The following RIF1 variants were observed in gnomAD, a reference collection of about 807,000 sequenced individuals.
The protein encoded by RIF1 is telomere-associated protein RIF1.
Under a neutral mutation model 247.1 loss-of-function variants are expected in RIF1, and 45 were observed. The observed-to-expected ratio is 0.18, with a 90% confidence interval of 0.14 to 0.23. The LOEUF is 0.23. Among genes scored for constraint, RIF1 ranks in the 10% least tolerant of loss-of-function variants. The pLI, the probability that RIF1 is intolerant of heterozygous loss-of-function variation, is 1.00. For missense variants in RIF1, 2,967 were observed against 2,862.5 expected (o/e 1.04, Z -0.83); for synonymous variants, 1,087 against 978.8 (o/e 1.11, Z -2.06).
intron 11 of RIF1, chr2:151,501,351 T>A (rs749993364): frequency 7.7e-7 from 1 of 1,293,194 alleles, no homozygotes; most frequent in Non-Finnish European, 1.1e-6. Context: ...TAGAAATTAT[T>A]ATTTTTTAAT....
the RIF1 span, among the ~76,000 whole-genome samples, chr2:151,533,125 AATCTCT>A: frequency 6.6e-6 from 1 of 152,332 alleles, no homozygotes; most frequent in East Asian, 1.9e-4. Flanking sequence ...TACTATCTTC[AATCTCT>A]AAGGAATCTA....
At chr2:151,526,104 G>C in the RIF1 span, 1 of 1,611,118 alleles carries the variant, frequency 6.2e-7, no homozygotes, top group Non-Finnish European at 8.5e-7. Context: ...TAAGGCATCT[G>C]CCTGGGGCGT....
intron 6 of RIF1, among the ~76,000 whole-genome samples, chr2:151,417,851 A>G (rs997091244): frequency 4.6e-5 from 7 of 152,206 alleles, no homozygotes; most frequent in African/African-American, 1.2e-4. Flanking sequence ...ATAGCCTACT[A>G]TATACCCAGG....
chr2:151,491,880 A>T (rs2056881191), intron 9 of RIF1: 2 of 1,044,028 alleles, frequency 1.9e-6, no homozygotes, highest in African/African-American at 3.2e-5. Flanking sequence ...AATCACACTT[A>T]TTCCAGCTTA....
rs2048945883 is a variant in RIF1, at chr2:151,476,679, T to C, written c.*1608T>C. 1 of 152,216 alleles carries C rather than the reference T, an allele frequency of 6.6e-6. No individual in the cohort carries two copies. Among genetic ancestry groups the C allele is most frequent in the African/African-American group, 2.4e-5 (1 of 41,446 alleles). 9.4% of individuals were successfully genotyped at this position (152,216 alleles called of 1,614,324 possible). A position where few individuals can be genotyped will look rare whatever the true frequency, so the allele number is the denominator to read the frequency against. Reference sequence around the variant, plus strand: ...GGTTTTGTAAAGAATTCTGGGATCATTGAATTAAGGATTGTGGCTTGAAGT... The same window carrying C: ...GGTTTTGTAAAGAATTCTGGGATCACTGAATTAAGGATTGTGGCTTGAAGT... On this transcript the variant is annotated 3_prime_UTR_variant, in exon 36 of 36. Coordinates refer to ENST00000444746, the MANE Select transcript of RIF1 (RefSeq NM_018151.5).
At chr2:151,472,277 C>G (rs1203073435) in intron 34 of RIF1, among the ~76,000 whole-genome samples, 1 of 152,190 alleles carries the variant, frequency 6.6e-6, no homozygotes, top group Non-Finnish European at 1.5e-5. Context: ...TGGGCTGAGA[C>G]AACGGGGTTT....
chr2:151,454,948 T>C lies in RIF1; in HGVS notation c.2398T>C (p.Leu800=), dbSNP rs773213267. ...AAAGAAGAATGAGCCCCTAGGGAAA[T>C]TGACTTCTTTATTTAAACTTATTGT... ...SKKKNEPLGK[L]TSLFKLIVKV... Residue 800 remains leucine (L), a synonymous_variant, in exon 22 of 36, where the codon TTG becomes CTG. Transcript: ENST00000444746. The C allele has an allele frequency of 6.2e-7, 1 of 1,612,982 alleles. No individual in the cohort carries two copies. The highest frequency in any genetic ancestry group is 1.1e-5 in the South Asian group (1 of 90,922).
intron 7 of RIF1, among the ~76,000 whole-genome samples, chr2:151,421,896 G>T (rs532193557): frequency 1.3e-5 from 2 of 150,798 alleles, no homozygotes; most frequent in African/African-American, 2.4e-5. Context: ...GTGCAGTGGC[G>T]CAGTCTCAGC....
chr2:151,520,429 TA>T, the RIF1 span, among the ~76,000 whole-genome samples: 20 of 152,120 alleles, frequency 1.3e-4, no homozygotes, highest in Non-Finnish European at 2.5e-4. Context: ...TTAGTATACA[TA>T]AAAATAAGTT....
At chr2:151,416,980 TGA>T in intron 6 of RIF1, 79 bp downstream of exon 6, 1 of 1,092,940 alleles carries the variant, frequency 9.1e-7, no homozygotes, top group Non-Finnish European at 1.4e-6. Flanking sequence ...GGGATTTAAA[TGA>T]GAGACAGACA....
chr2:151,414,916 T>C lies in RIF1; in HGVS notation c.277T>C (p.Ser93Pro). ...LYNPKITSEL[S>P]EANALELLSK... The stretch of plus-strand genomic sequence containing the variant: ...TAATCCCAAAATTACCTCAGAATTA[T>C]CAGGTAGATAAATTTCTTATGACTT... Residue 93 changes from serine (S) to proline (P), a missense_variant, in exon 4 of 36, where the codon TCA becomes CCA. Around this residue, in one of 7 missense-constraint regions of RIF1, gnomAD observed 269 missense variants for 288.6 expected, o/e 0.93. Transcript: ENST00000444746. 1 of 1,586,096 alleles carries C rather than the reference T, an allele frequency of 6.3e-7. No homozygotes were observed. The highest frequency in any genetic ancestry group is 8.7e-7 in the Non-Finnish European group (1 of 1,155,306).
chr2:151,416,931 G>A (rs768288549), intron 6 of RIF1, 30 bp downstream of exon 6: 1 of 1,521,374 alleles, frequency 6.6e-7, no homozygotes, highest in South Asian at 1.2e-5. Flanking sequence ...GCAAATTGAA[G>A]AATAGTTTTC....
intron 7 of RIF1, among the ~76,000 whole-genome samples, chr2:151,421,065 C>A (rs574677073): frequency 6.6e-6 from 1 of 152,320 alleles, no homozygotes; most frequent in Admixed American, 6.5e-5. Context: ...CTAGTTATTA[C>A]TTGCCACAGG....
At chr2:151,494,933 C>A (rs56080930) in intron 9 of RIF1, 32,294 of 153,236 alleles carry the variant, frequency 0.21, 3,959 homozygotes, top group South Asian at 0.44. Context: ...CAGGCGTGAG[C>A]CACCACACCT....
intron 21 of RIF1, 127 bp downstream of exon 21, chr2:151,451,832 G>A (rs1007214731): frequency 1.0e-5 from 6 of 583,850 alleles, no homozygotes; most frequent in Non-Finnish European, 1.9e-5. Flanking sequence ...AACCATGTTA[G>A]TTACTATGCT....
chr2:151,459,587 T>C (rs1435573733), intron 25 of RIF1, among the ~76,000 whole-genome samples: 1 of 152,196 alleles, frequency 6.6e-6, no homozygotes, highest in East Asian at 1.9e-4. Context: ...CTGTAAAAGC[T>C]ATATATTCTG....
At chr2:151,483,549 A>C (rs966406791), downstream of RIF1, among the ~76,000 whole-genome samples, 8 of 152,158 alleles carry the variant, frequency 5.3e-5, no homozygotes, top group African/African-American at 1.9e-4. Context: ...TTATATATAC[A>C]GTCATCCCTC....
intron 9 of RIF1, chr2:151,490,511 A>G: frequency 6.2e-7 from 1 of 1,608,954 alleles, no homozygotes. Context: ...TCCGGCGCTG[A>G]GCTTGGACTG....
At chr2:151,489,880 A>G (rs1388270854) in intron 9 of RIF1, 13 of 947,906 alleles carry the variant, frequency 1.4e-5, no homozygotes, top group Non-Finnish European at 1.8e-5. Context: ...AGGTTTGGTT[A>G]AAAAAAACCG....
Sources: gnomAD v4.1 joint callset for allele counts (sites outside exome capture counted in the v4.1 genomes callset) on GRCh38, gnomAD v4.1.1 for gene constraint, gnomAD v4.1.1 regional missense constraint, MANE v1.5 for transcripts, NCBI Gene and HGNC (gene_info 2026-07-23, HGNC 2026-07-21) for gene names.